JAZF1: variants seen among roughly 807,000 people sequenced by gnomAD.
JAZF1 encodes the protein JAZF zinc finger 1, also known as juxtaposed with another zinc finger protein 1.
In JAZF1, 8 loss-of-function variants were observed where a neutral mutation model predicts 26.4. The ratio of observed to expected loss-of-function variants is 0.30; its 90% CI spans 0.18 to 0.55. The LOEUF (loss-of-function observed/expected upper bound fraction) is 0.55, where lower values mean the gene tolerates loss of function less well. JAZF1 is among the 20% of genes least tolerant of loss of function. The pLI is 0.94. For synonymous variants in JAZF1, 126 were observed against 122.3 expected (o/e 1.03, Z -0.20); for missense variants, 199 against 322.0 (o/e 0.62, Z 2.92).
intron 3 of JAZF1, chr7:27,844,361 T>C (rs936715680): frequency 2.0e-5 from 3 of 152,230 alleles, no homozygotes; most frequent in Non-Finnish European, 1.5e-5. Context: ...GCTCGTTCAT[T>C]CATCTTCAAT....
At chr7:27,846,608 C>T in intron 3 of JAZF1, 2 of 466,306 alleles carry the variant, frequency 4.3e-6, no homozygotes, top group South Asian at 3.1e-5. Context: ...ATTTTGCTAA[C>T]ACTTGTTATT....
At chr7:28,129,162 AC>A (rs1370704942) in intron 1 of JAZF1, among the ~76,000 whole-genome samples, 1 of 151,832 alleles carries the variant, frequency 6.6e-6, no homozygotes, top group South Asian at 2.1e-4. Context: ...CTCTGTGAAT[AC>A]CCCCCAAACT....
At chr7:28,003,546 A>AT (rs1782642615) in intron 1 of JAZF1, among the ~76,000 whole-genome samples, 3 of 152,236 alleles carry the variant, frequency 2.0e-5, no homozygotes, top group Admixed American at 2.0e-4. Flanking sequence ...AAAGTGAAAA[A>AT]TGAGTGTGCG....
intron 2 of JAZF1, among the ~76,000 whole-genome samples, chr7:27,926,747 CT>C (rs1223244413): frequency 6.6e-6 from 1 of 152,230 alleles, no homozygotes; most frequent in Non-Finnish European, 1.5e-5. Context: ...ACAGACAGCA[CT>C]TCTTTTGAAC....
intron 3 of JAZF1, among the ~76,000 whole-genome samples, chr7:27,860,276 A>C (rs1298028040): frequency 6.6e-6 from 1 of 152,194 alleles, no homozygotes; most frequent in Non-Finnish European, 1.5e-5. Context: ...AGCCTTTGGG[A>C]AAATTGGTTC....
intron 1 of JAZF1, among the ~76,000 whole-genome samples, chr7:28,158,207 A>G (rs866684222): frequency 4.8e-4 from 67 of 138,260 alleles, no homozygotes; most frequent in East Asian, 2.5e-3. Flanking sequence ...AGAGAGAGGG[A>G]GAGAGAGAGA....
intron 1 of JAZF1, among the ~76,000 whole-genome samples, chr7:28,061,239 T>C (rs1783792551): frequency 6.6e-6 from 1 of 150,426 alleles, no homozygotes; most frequent in Admixed American, 6.6e-5. Flanking sequence ...TACTATTAGA[T>C]TGTGGTACCA....
intron 1 of JAZF1, among the ~76,000 whole-genome samples, chr7:27,992,433 T>C (rs1023074787): frequency 2.0e-5 from 3 of 152,236 alleles, no homozygotes; most frequent in African/African-American, 7.2e-5. Context: ...CTTTTCTGCA[T>C]TTGGATTCAT....
intron 1 of JAZF1, among the ~76,000 whole-genome samples, chr7:28,102,869 T>G (rs111468894): frequency 2.6e-5 from 4 of 152,126 alleles, no homozygotes; most frequent in Non-Finnish European, 4.4e-5. Flanking sequence ...CCACCTCCAA[T>G]GCAAAAGAAC....
chr7:27,976,922 G>A (rs1785484429), intron 2 of JAZF1, among the ~76,000 whole-genome samples: 1 of 152,088 alleles, frequency 6.6e-6, no homozygotes. Flanking sequence ...GTGGGAAAGA[G>A]GAAGAAAGCT....
At chr7:28,111,140 G>C (rs1233350753) in intron 1 of JAZF1, among the ~76,000 whole-genome samples, 1 of 152,118 alleles carries the variant, frequency 6.6e-6, no homozygotes, top group East Asian at 1.9e-4. Flanking sequence ...TACAACCCGA[G>C]TATCAAAGTA....
At chr7:28,164,507 C>A (rs1460804298) in intron 1 of JAZF1, among the ~76,000 whole-genome samples, 1 of 152,164 alleles carries the variant, frequency 6.6e-6, no homozygotes, top group Non-Finnish European at 1.5e-5. Flanking sequence ...CAGATGTCCT[C>A]GGTAAAACAA....
intron 1 of JAZF1, among the ~76,000 whole-genome samples, chr7:28,078,816 C>A (rs1454722931): frequency 3.3e-5 from 5 of 152,100 alleles, no homozygotes; most frequent in Admixed American, 2.0e-4. Flanking sequence ...TTACTTTGGA[C>A]ATGGATATTA....
intron 1 of JAZF1, among the ~76,000 whole-genome samples, chr7:28,156,813 T>G (rs1007558304): frequency 6.6e-6 from 1 of 152,146 alleles, no homozygotes; most frequent in Non-Finnish European, 1.5e-5. Context: ...AAATTTAAAT[T>G]CAGATCCTAG....
At chr7:28,007,329 TGTG>T (rs1189730573) in intron 1 of JAZF1, among the ~76,000 whole-genome samples, 1 of 151,776 alleles carries the variant, frequency 6.6e-6, no homozygotes, top group Non-Finnish European at 1.5e-5. Flanking sequence ...ATTAGCCGGG[TGTG>T]GTGAGGTGGG....
At chr7:28,090,939 GC>G (rs1354303912) in intron 1 of JAZF1, among the ~76,000 whole-genome samples, 2 of 147,978 alleles carry the variant, frequency 1.4e-5, no homozygotes, top group Non-Finnish European at 1.5e-5. Context: ...CCATTCTCCT[GC>G]CTCAGCCTCC....
chr7:27,923,714 G>C (rs1270509427), intron 2 of JAZF1, among the ~76,000 whole-genome samples: 1 of 152,200 alleles, frequency 6.6e-6, no homozygotes, highest in Non-Finnish European at 1.5e-5. Context: ...GGAGAGGACA[G>C]GTGATGAGGA....
chr7:28,102,958 G>T (rs1312728761), intron 1 of JAZF1, among the ~76,000 whole-genome samples: 1 of 152,178 alleles, frequency 6.6e-6, no homozygotes, highest in Non-Finnish European at 1.5e-5. Flanking sequence ...ACTTGACCTT[G>T]AGCCCTAACT....
At chr7:28,052,032 A>G (rs921324338) in intron 1 of JAZF1, among the ~76,000 whole-genome samples, 1 of 151,752 alleles carries the variant, frequency 6.6e-6, no homozygotes, top group Non-Finnish European at 1.5e-5. Context: ...TGTTTAAAGG[A>G]AAAAAAAATT....
Sources: gnomAD v4.1 joint callset for allele counts (sites outside exome capture counted in the v4.1 genomes callset) on GRCh38, gnomAD v4.1.1 for gene constraint, MANE v1.5 for transcripts, NCBI Gene and HGNC (gene_info 2026-07-23, HGNC 2026-07-21) for gene names.